The following HIF1A variants were observed in gnomAD, a reference collection of about 807,000 sequenced individuals.
The protein encoded by HIF1A is hypoxia inducible factor 1 subunit alpha, also known as hypoxia-inducible factor 1-alpha.
HIF1A carries 24 observed loss-of-function variants against 92.7 expected under a neutral mutation model. The ratio of observed to expected loss-of-function variants is 0.26; its 90% CI spans 0.19 to 0.36. The LOEUF (loss-of-function observed/expected upper bound fraction) is 0.36, where lower values mean the gene tolerates loss of function less well. Among genes scored for constraint, HIF1A ranks in the 10% least tolerant of loss-of-function variants. The pLI is 1.00. For missense variants in HIF1A, 799 were observed against 998.5 expected, an observed-to-expected ratio of 0.80 and a Z score of 2.69; for synonymous variants, 319 against 338.7, an observed-to-expected ratio of 0.94 and a Z score of 0.64.
chr14:61,705,713 A>G (rs1028480742), intron 1 of HIF1A, among the ~76,000 whole-genome samples: 3 of 152,224 alleles, frequency 2.0e-5, no homozygotes, highest in Non-Finnish European at 4.4e-5. Context: ...GCCACACACT[A>G]ATAGTGTTAC....
chr14:61,717,464 A>G (rs10138032), intron 1 of HIF1A, among the ~76,000 whole-genome samples: 12,644 of 152,202 alleles, frequency 0.083, 1,720 homozygotes, highest in African/African-American at 0.29. Context: ...AATAATTTTT[A>G]TCACCTTCAT....
intron 1 of HIF1A, among the ~76,000 whole-genome samples, chr14:61,698,687 G>T (rs557177797): frequency 6.0e-4 from 92 of 152,158 alleles, no homozygotes; most frequent in African/African-American, 2.2e-3. Flanking sequence ...CTTGAAAAGC[G>T]TTTTTTTCCT....
At chr14:61,736,195 T>C (rs560775893) in intron 8 of HIF1A, among the ~76,000 whole-genome samples, 1 of 152,086 alleles carries the variant, frequency 6.6e-6, no homozygotes, top group Non-Finnish European at 1.5e-5. Flanking sequence ...GGCCAGGCTC[T>C]TGAACTCCCA....
At chr14:61,730,852 T>C (rs2044568114) in intron 6 of HIF1A, among the ~76,000 whole-genome samples, 1 of 152,228 alleles carries the variant, frequency 6.6e-6, no homozygotes. Context: ...GGATTTTATT[T>C]AAACAGAAAA....
At chr14:61,739,997 CAG>C (rs2044686745) in intron 10 of HIF1A, 1 of 150,094 alleles carries the variant, frequency 6.7e-6, no homozygotes, top group South Asian at 2.1e-4. Context: ...ATTACATAGT[CAG>C]AAATATATAT....
chr14:61,695,962 T>A lies in HIF1A; in HGVS notation c.35+123T>A, dbSNP rs1044226143. On this transcript the variant is annotated intron_variant, in intron 1 of 14. Transcript: ENST00000337138. ...GGGGGGGCAGCCTTTTTGTTTCTGC[T>A]GCTGCTCCCCTCCCCTCTCTTCCCC... The A allele has an allele frequency of 1.6e-5, 14 of 857,178 alleles. No individual in the cohort carries two copies. In the Admixed American group the frequency reaches 3.3e-4, roughly 20 times the overall value. 53.1% of individuals were successfully genotyped at this position (857,178 alleles called of 1,614,324 possible). A position where few individuals can be genotyped will look rare whatever the true frequency, so the allele number is the denominator to read the frequency against.
intron 1 of HIF1A, among the ~76,000 whole-genome samples, chr14:61,707,303 TG>T (rs1200101362): frequency 4.6e-4 from 4 of 8,628 alleles, no homozygotes; most frequent in Non-Finnish European, 3.4e-3. Context: ...CAGCATTCTG[TG>T]TTTTTTTTTT....
At chr14:61,720,665 T>C in intron 2 of HIF1A, 93 bp downstream of exon 2, 1 of 762,892 alleles carries the variant, frequency 1.3e-6, no homozygotes. Flanking sequence ...AATGTTTTGA[T>C]TTTGTATACC....
chr14:61,745,505 G>C (rs2044769563), intron 13 of HIF1A, 186 bp from the exon 14 acceptor site: 1 of 611,848 alleles, frequency 1.6e-6, no homozygotes, highest in South Asian at 1.9e-5. Flanking sequence ...AAATTAACTG[G>C]AAAGTATTTA....
chr14:61,741,145 C>T lies in HIF1A; in HGVS notation c.2050C>T (p.His684Tyr). The change falls in exon 12 of 15, where the codon CAT becomes TAT. Residue 684 changes from histidine to tyrosine, a missense_variant. Around this residue, in one of 2 missense-constraint regions of HIF1A, gnomAD observed 283 missense variants for 277.5 expected, o/e 1.02. Coordinates refer to ENST00000337138, the MANE Select transcript of HIF1A (RefSeq NM_001530.4). ...AGTCATAGAACAGACAGAAAAATCT[C>T]ATCCAAGAAGCCCTAACGTGTTATC... is the stretch of plus-strand genomic sequence containing the variant. ...KGVIEQTEKSHPRSPNVLSVA... is the reference protein window; with the variant it reads ...KGVIEQTEKSYPRSPNVLSVA... The T allele has an allele frequency of 6.2e-7, 1 of 1,612,688 alleles. No homozygotes were observed. Among genetic ancestry groups the T allele is most frequent in the Non-Finnish European group, 8.5e-7 (1 of 1,179,626 alleles).
chr14:61,697,748 T>A (rs2044132700), intron 1 of HIF1A: 1 of 1,405,376 alleles, frequency 7.1e-7, no homozygotes. Context: ...TAGATGCTGT[T>A]TATAATAGAT....
intron 8 of HIF1A, among the ~76,000 whole-genome samples, chr14:61,735,815 T>A (rs1566574714): frequency 6.6e-6 from 1 of 152,152 alleles, no homozygotes; most frequent in Non-Finnish European, 1.5e-5. Context: ...TCTGTGTATC[T>A]TTAGGACTAT....
intron 13 of HIF1A, 117 bp from the exon 14 acceptor site, chr14:61,745,573 AG>A (rs1466901238): frequency 2.6e-6 from 2 of 765,932 alleles, no homozygotes; most frequent in African/African-American, 3.5e-5. Flanking sequence ...AAAATAATTT[AG>A]GGTAGTATTT....
chr14:61,713,696 T>C (rs2044332385), intron 1 of HIF1A, among the ~76,000 whole-genome samples: 1 of 152,172 alleles, frequency 6.6e-6, no homozygotes, highest in African/African-American at 2.4e-5. Context: ...ATATCCTCTA[T>C]TATAAACTGG....
chr14:61,731,394 T>G (rs527455774), intron 6 of HIF1A, among the ~76,000 whole-genome samples: 9 of 152,350 alleles, frequency 5.9e-5, no homozygotes, highest in Non-Finnish European at 1.2e-4. Flanking sequence ...ATCTAGTCTC[T>G]GTCTTAAATA....
intron 1 of HIF1A, chr14:61,697,870 G>T: frequency 2.0e-6 from 3 of 1,518,064 alleles, no homozygotes; most frequent in East Asian, 2.5e-5. Flanking sequence ...CAATGTCGGA[G>T]TTTGGAAAAC....
chr14:61,707,874 A>G (rs936178471), intron 1 of HIF1A, among the ~76,000 whole-genome samples: 3 of 152,132 alleles, frequency 2.0e-5, no homozygotes, highest in Admixed American at 6.5e-5. Context: ...TCCCTGAGGA[A>G]TCGCCACACT....
chr14:61,726,557 T>G, intron 4 of HIF1A, 149 bp from the exon 5 acceptor site: 1 of 516,062 alleles, frequency 1.9e-6, no homozygotes, highest in Non-Finnish European at 3.5e-6. Flanking sequence ...TGTGCTGGAG[T>G]GAGTAAAAGG....
intron 5 of HIF1A, 33 bp from the exon 6 acceptor site, chr14:61,727,420 A>G: frequency 6.7e-7 from 1 of 1,503,122 alleles, no homozygotes; most frequent in Non-Finnish European, 9.3e-7. Flanking sequence ...CATTGTAAAT[A>G]TTTTTTTTAA....
Sources: allele counts gnomAD v4.1 joint callset (sites outside exome capture counted in the v4.1 genomes callset), GRCh38; gene constraint gnomAD v4.1.1; regional missense constraint gnomAD v4.1.1; transcripts MANE v1.5; gene names NCBI Gene and HGNC (gene_info 2026-07-23, HGNC 2026-07-21).